The following KCND2 variants were observed in gnomAD, a reference collection of about 807,000 sequenced individuals.
KCND2 encodes A-type voltage-gated potassium channel KCND2.
Under a neutral mutation model 54.4 loss-of-function variants are expected in KCND2, and 16 were observed. The observed-to-expected ratio is 0.29, with a 90% CI of 0.20 to 0.45. The LOEUF is 0.45. KCND2 is among the 20% of genes least tolerant of loss of function. The pLI, the probability that KCND2 is intolerant of heterozygous loss-of-function variation, is 1.00. For synonymous variants in KCND2, 317 were observed against 310.7 expected, an observed-to-expected ratio of 1.02 and a Z score of -0.21; for missense variants, 486 against 824.2, an observed-to-expected ratio of 0.59 and a Z score of 5.02.
intron 1 of KCND2, among the ~76,000 whole-genome samples, chr7:120,404,386 A>G (rs1158722422): frequency 1.3e-5 from 2 of 152,180 alleles, no homozygotes; most frequent in Non-Finnish European, 2.9e-5. Flanking sequence ...GAACATCTCT[A>G]CATTTGTGAC....
intron 4 of KCND2, among the ~76,000 whole-genome samples, chr7:120,744,636 T>G (rs1707105712): frequency 6.6e-6 from 1 of 152,188 alleles, no homozygotes; most frequent in Non-Finnish European, 1.5e-5. Context: ...AAGAGTAGAA[T>G]GTTAAATTTC....
chr7:120,275,344 A>G lies in KCND2; in HGVS notation c.712A>G (p.Met238Val). The change falls in exon 1 of 6, where the codon ATG becomes GTG. Residue 238 changes from methionine to valine, a missense_variant. By Grantham distance (21) the Met-to-Val change is conservative. Around this residue, in one of 7 missense-constraint regions of KCND2, gnomAD observed 231 missense variants for 386.0 expected, o/e 0.60. Coordinates refer to ENST00000331113, the MANE Select transcript of KCND2 (RefSeq NM_012281.3). ...CTTCTGCTTGGACACGGCCTGCGTC[A>G]TGATCTTCACAGTTGAGTATTTGCT... ...AFFCLDTACVMIFTVEYLLRL... is the reference protein window; with the variant it reads ...AFFCLDTACVVIFTVEYLLRL... The G allele has an allele frequency of 6.2e-7, 1 of 1,613,732 alleles. No individual in the cohort carries two copies. The highest frequency in any genetic ancestry group is 8.5e-7 in the Non-Finnish European group (1 of 1,179,944).
chr7:120,456,639 AG>A (rs1802204985), intron 1 of KCND2, among the ~76,000 whole-genome samples: 1 of 152,242 alleles, frequency 6.6e-6, no homozygotes, highest in South Asian at 2.1e-4. Flanking sequence ...AAAGCAGCAC[AG>A]TAAAAATATA....
chr7:120,677,433 A>G (rs1295974583), intron 1 of KCND2, among the ~76,000 whole-genome samples: 1 of 151,950 alleles, frequency 6.6e-6, no homozygotes, highest in Non-Finnish European at 1.5e-5. Context: ...TTCCATATCC[A>G]GCTAGTCTTT....
chr7:120,472,562 T>TACACACAC lies in KCND2; in HGVS notation c.1115+196831_1115+196838dup, dbSNP rs10679656. The stretch of plus-strand genomic sequence containing the variant: ...CACCTGATTGTTATGAGACTTTAAA[T>TACACACAC]ACACACACACACACACACACACAGT... On this transcript the variant is annotated intron_variant, in intron 1 of 5. Transcript: ENST00000331113. Among the ~76,000 whole-genome samples the TACACACAC allele has an allele frequency of 3.1e-3, 459 of 149,634 alleles. 1 individual carries two copies. Among genetic ancestry groups the TACACACAC allele is most frequent in the African/African-American group, 0.011 (439 of 41,004 alleles).
At chr7:120,287,820 G>T (rs1799369145) in intron 1 of KCND2, among the ~76,000 whole-genome samples, 1 of 152,056 alleles carries the variant, frequency 6.6e-6, no homozygotes, top group South Asian at 2.1e-4. Context: ...TCCAACCTGG[G>T]TGACAGAGTG....
At chr7:120,469,506 A>T (rs1239781624) in intron 1 of KCND2, among the ~76,000 whole-genome samples, 2 of 152,118 alleles carry the variant, frequency 1.3e-5, no homozygotes, top group Admixed American at 6.6e-5. Context: ...GTCTAACAGG[A>T]CTAATGTTGT....
chr7:120,466,505 G>C (rs571821468), intron 1 of KCND2, among the ~76,000 whole-genome samples: 4 of 152,050 alleles, frequency 2.6e-5, no homozygotes, highest in African/African-American at 9.6e-5. Flanking sequence ...GTATGTCCTG[G>C]ATCCCAGCCT....
intron 1 of KCND2, among the ~76,000 whole-genome samples, chr7:120,708,011 A>T (rs1249443613): frequency 6.6e-6 from 1 of 152,106 alleles, no homozygotes; most frequent in African/African-American, 2.4e-5. Flanking sequence ...TAAAAAAGGT[A>T]AAAAAGCTTC....
intron 1 of KCND2, among the ~76,000 whole-genome samples, chr7:120,607,076 T>A (rs118015943): frequency 0.035 from 5,403 of 152,224 alleles, 157 homozygotes; most frequent in South Asian, 0.076. Context: ...TTGGCTTACA[T>A]CATGGTTACA....
At chr7:120,696,153 C>T (rs764822541) in intron 1 of KCND2, among the ~76,000 whole-genome samples, 8 of 152,190 alleles carry the variant, frequency 5.3e-5, no homozygotes, top group Non-Finnish European at 7.4e-5. Context: ...GCTGGTTTTA[C>T]TTTTCTTGGA....
At chr7:120,455,863 A>G (rs1802191975) in intron 1 of KCND2, among the ~76,000 whole-genome samples, 1 of 152,116 alleles carries the variant, frequency 6.6e-6, no homozygotes, top group Non-Finnish European at 1.5e-5. Flanking sequence ...ATTAAGTACT[A>G]TGCTTATTAC....
chr7:120,549,801 C>T (rs1471719599), intron 1 of KCND2, among the ~76,000 whole-genome samples: 5 of 152,040 alleles, frequency 3.3e-5, no homozygotes, highest in Admixed American at 2.6e-4. Flanking sequence ...ACAAGTGCTC[C>T]ATGAAGTAAT....
chr7:120,274,401 G>T lies in KCND2; in HGVS notation c.-232G>T. The T allele has an allele frequency of 1.6e-6, 1 of 611,036 alleles. No homozygotes were observed. Among genetic ancestry groups the T allele is most frequent in the East Asian group, 2.8e-5 (1 of 36,088 alleles). The allele number at this position is 611,036 out of a possible 1,614,324, so 37.9% of individuals were successfully genotyped here. On this transcript the variant is annotated 5_prime_UTR_variant, in exon 1 of 6. Transcript: ENST00000331113. ...TGGCTGGGTTCTGTTGAGGGTGATT[G>T]TTAGGACGTTGTATTTTGTTGCCAT...
chr7:120,719,521 T>C (rs190244688), intron 1 of KCND2, among the ~76,000 whole-genome samples: 3 of 152,332 alleles, frequency 2.0e-5, no homozygotes, highest in African/African-American at 7.2e-5. Flanking sequence ...TTGTTTTTAA[T>C]TTAAAGCACA....
intron 1 of KCND2, among the ~76,000 whole-genome samples, chr7:120,318,982 A>T (rs1331562440): frequency 6.6e-6 from 1 of 152,070 alleles, no homozygotes; most frequent in African/African-American, 2.4e-5. Context: ...TAAAATATTC[A>T]CTTATAATTT....
intron 1 of KCND2, among the ~76,000 whole-genome samples, chr7:120,346,387 G>C (rs1026888696): frequency 6.6e-6 from 1 of 152,116 alleles, no homozygotes; most frequent in Non-Finnish European, 1.5e-5. Context: ...GGGAAGATAA[G>C]TCATTGTCCT....
At chr7:120,399,749 A>C (rs537540435) in intron 1 of KCND2, among the ~76,000 whole-genome samples, 1 of 150,912 alleles carries the variant, frequency 6.6e-6, no homozygotes, top group Admixed American at 6.6e-5. Context: ...CATTTGAAAC[A>C]GAATCTCCTT....
intron 1 of KCND2, among the ~76,000 whole-genome samples, chr7:120,286,414 G>C (rs1204075933): frequency 6.6e-6 from 1 of 151,850 alleles, no homozygotes; most frequent in Admixed American, 6.6e-5. Flanking sequence ...TTTTTAAGAA[G>C]ATTTGGGGAT....
Sources: allele counts gnomAD v4.1 joint callset (sites outside exome capture counted in the v4.1 genomes callset), GRCh38; gene constraint gnomAD v4.1.1; regional missense constraint gnomAD v4.1.1; transcripts MANE v1.5; gene names NCBI Gene and HGNC (gene_info 2026-07-23, HGNC 2026-07-21).